Variants in NHSL2 observed in about 807,000 individuals in gnomAD.
The protein encoded by NHSL2 is NHS-like protein 2.
NHSL2 carries 27 observed loss-of-function variants against 53.4 expected under a neutral mutation model. The ratio of observed to expected loss-of-function variants is 0.51; its 90% CI spans 0.37 to 0.70. The LOEUF is 0.70. Among genes scored for constraint, NHSL2 ranks in the 30% least tolerant of loss-of-function variants. NHSL2 has a pLI of 0.00. For missense variants in NHSL2, 892 were observed against 980.1 expected (o/e 0.91, Z 1.20); for synonymous variants, 408 against 404.1 (o/e 1.01, Z -0.12).
At position 72,061,216 on chromosome X, in the gene NHSL2, A is replaced by G. The variant is rs186464819; in HGVS notation, c.281-70863A>G. 1.3e-3 allele frequency among the ~76,000 whole-genome samples: 143 copies of G among 112,041 alleles called. 1 individual carries two copies. The highest frequency in any genetic ancestry group is 4.2e-3 in the African/African-American group (129 of 30,820). ...CCTTTTTCTTTTTTCGGAATGCCCA[A>G]TGTTTTTCAGGATTGAAACAGGAAG... On this transcript the variant is annotated intron_variant, in intron 1 of 7. Transcript: ENST00000633930.
chrX:72,082,728 G>C (rs988594066), intron 1 of NHSL2, among the ~76,000 whole-genome samples: 1 of 111,770 alleles, frequency 8.9e-6, no homozygotes, highest in Non-Finnish European at 1.9e-5. Context: ...CATTTCCTTG[G>C]GTTTCTTTTA....
intron 1 of NHSL2, among the ~76,000 whole-genome samples, chrX:71,971,961 G>T (rs1569467821): frequency 9.0e-6 from 1 of 111,662 alleles, no homozygotes; most frequent in East Asian, 2.8e-4. Context: ...TTTAGCCTGA[G>T]AAACTTCCTT....
In NHSL2 at chrX:72,147,329, C is replaced by T. The variant is rs1191761644; in HGVS notation, c.*3755C>T. On this transcript the variant is annotated 3_prime_UTR_variant, in exon 8 of 8. Coordinates refer to ENST00000633930, the MANE Select transcript of NHSL2 (RefSeq NM_001013627.3). The stretch of plus-strand genomic sequence containing the variant: ...AGGGCGTAAAATTCAAAGAGGTGCC[C>T]GCTCTCAGGGCCATGCAAGTGCCTT... The T allele has an allele frequency of 4.5e-5, 5 of 111,890 alleles. No homozygotes were observed. The highest frequency in any genetic ancestry group is 1.9e-4 in the Admixed American group (2 of 10,592). The allele number at this position is 111,890 out of a possible 1,213,427, so 9.2% of individuals were successfully genotyped here. A position where few individuals can be genotyped will look rare whatever the true frequency, so the allele number is the denominator to read the frequency against.
At chrX:72,112,939 C>T (rs1227108876) in intron 1 of NHSL2, among the ~76,000 whole-genome samples, 2 of 111,716 alleles carry the variant, frequency 1.8e-5, no homozygotes, top group Admixed American at 9.5e-5. Context: ...ATCCTCCCAC[C>T]TCAGCCTCCC....
At chrX:72,089,546 G>A (rs1220227562) in intron 1 of NHSL2, among the ~76,000 whole-genome samples, 2 of 111,142 alleles carry the variant, frequency 1.8e-5, no homozygotes, top group African/African-American at 3.3e-5. Context: ...TAGAGCATGA[G>A]GGAAGCAAAT....
chrX:72,095,629 G>T (rs1442838683), intron 1 of NHSL2, among the ~76,000 whole-genome samples: 1 of 112,019 alleles, frequency 8.9e-6, no homozygotes, highest in Non-Finnish European at 1.9e-5. Flanking sequence ...CCTGAGTAAA[G>T]TAGCCCCTTA....
intron 1 of NHSL2, among the ~76,000 whole-genome samples, chrX:72,072,749 A>G (rs1302245957): frequency 8.9e-6 from 1 of 112,178 alleles, no homozygotes; most frequent in African/African-American, 3.2e-5. Flanking sequence ...TACTAAATTG[A>G]TACCTTTTAC....
At chrX:72,048,981 A>G (rs1029927173) in intron 1 of NHSL2, among the ~76,000 whole-genome samples, 2 of 89,648 alleles carry the variant, frequency 2.2e-5, no homozygotes, top group African/African-American at 3.9e-5. Flanking sequence ...GGAGGAGAAG[A>G]AGGAGGAGAA....
At chrX:71,920,495 C>T (rs770373102) in intron 1 of NHSL2, among the ~76,000 whole-genome samples, 1 of 110,285 alleles carries the variant, frequency 9.1e-6, no homozygotes, top group African/African-American at 3.3e-5. Flanking sequence ...AGTACTAATG[C>T]TGTGGCTCCA....
chrX:72,118,475 G>A (rs182387535), intron 1 of NHSL2, among the ~76,000 whole-genome samples: 1 of 111,780 alleles, frequency 8.9e-6, no homozygotes, highest in Non-Finnish European at 1.9e-5. Flanking sequence ...ACCCAGGCTG[G>A]AGTGCAGTGG....
chrX:72,032,963 A>G (rs1378840180), intron 1 of NHSL2, among the ~76,000 whole-genome samples: 2 of 112,398 alleles, frequency 1.8e-5, no homozygotes, highest in Non-Finnish European at 3.8e-5. Flanking sequence ...CTCTCCACCA[A>G]TACCACACAG....
chrX:71,945,841 C>T (rs2041789892), intron 1 of NHSL2, among the ~76,000 whole-genome samples: 2 of 111,918 alleles, frequency 1.8e-5, no homozygotes, highest in African/African-American at 6.5e-5. Flanking sequence ...TTTACACATG[C>T]CATCTTGTTT....
At chrX:72,060,000 A>G (rs756542110) in intron 1 of NHSL2, among the ~76,000 whole-genome samples, 1 of 111,821 alleles carries the variant, frequency 8.9e-6, no homozygotes, top group African/African-American at 3.3e-5. Flanking sequence ...CTTTCTTACC[A>G]TAAATAGCAG....
intron 1 of NHSL2, among the ~76,000 whole-genome samples, chrX:71,924,841 T>C (rs2041676650): frequency 8.9e-6 from 1 of 112,532 alleles, no homozygotes; most frequent in Middle Eastern, 4.6e-3. Context: ...AGGTAATTTT[T>C]GGTGTTGAGC....
intron 1 of NHSL2, among the ~76,000 whole-genome samples, chrX:72,000,502 TAC>T (rs1343148129): frequency 1.8e-5 from 2 of 112,206 alleles, no homozygotes; most frequent in Non-Finnish European, 3.8e-5. Flanking sequence ...TTTATTATCT[TAC>T]AGTTCTGGAG....
rs754235148 is a variant in NHSL2 at position 71,927,549 on chromosome X, CT to C, written c.280+16194del. Among the ~76,000 whole-genome samples, 308 of 104,066 alleles carry C rather than the reference CT, an allele frequency of 3.0e-3. 1 individual carries two copies. Among genetic ancestry groups the C allele is most frequent in the East Asian group, 0.028 (93 of 3,381 alleles). 90.4% of individuals were successfully genotyped at this position (104,066 alleles called of 115,157 possible). A position where few individuals can be genotyped will look rare whatever the true frequency, so the allele number is the denominator to read the frequency against. ...CCTCACTCTATTACTTGTTTTCTTT[CT>C]TTTTTTTTTTTCTTTTCTTTTTTTG... On this transcript the variant is annotated intron_variant, in intron 1 of 7. Coordinates refer to ENST00000633930, the MANE Select transcript of NHSL2 (RefSeq NM_001013627.3).
chrX:71,941,556 T>C (rs2041766036), intron 1 of NHSL2, among the ~76,000 whole-genome samples: 1 of 111,761 alleles, frequency 8.9e-6, no homozygotes, highest in Non-Finnish European at 1.9e-5. Flanking sequence ...CTAAAATGGG[T>C]TCAGTAAGTG....
chrX:71,994,799 G>T (rs2042042782), intron 1 of NHSL2, among the ~76,000 whole-genome samples: 1 of 111,603 alleles, frequency 9.0e-6, no homozygotes, highest in South Asian at 3.8e-4. Flanking sequence ...GACTGGTGAT[G>T]GGGGGCCAGC....
At chrX:72,071,691 G>A (rs1274193647) in intron 1 of NHSL2, among the ~76,000 whole-genome samples, 1 of 110,888 alleles carries the variant, frequency 9.0e-6, no homozygotes, top group Non-Finnish European at 1.9e-5. Flanking sequence ...GGCTAAACTT[G>A]TGCCACTCTT....
Sources: allele counts gnomAD v4.1 joint callset (sites outside exome capture counted in the v4.1 genomes callset), GRCh38; gene constraint gnomAD v4.1.1; transcripts MANE v1.5; gene names NCBI Gene and HGNC (gene_info 2026-07-23, HGNC 2026-07-21).